CHN2: variants seen among roughly 807,000 people sequenced by gnomAD.
The protein encoded by CHN2 is beta-chimaerin.
A neutral mutation model predicts 56.3 loss-of-function variants in CHN2; 35 were observed. That is an observed-to-expected ratio of 0.62 (90% confidence interval 0.47 to 0.82). CHN2 has a LOEUF of 0.82. Ranked by LOEUF, CHN2 falls within the 40% of genes least tolerant of loss-of-function variation. CHN2 has a pLI of 0.00. For missense variants in CHN2, 491 were observed against 580.5 expected, an observed-to-expected ratio of 0.85 and a Z score of 1.58; for synonymous variants, 210 against 212.8, an observed-to-expected ratio of 0.99 and a Z score of 0.12.
intron 2 of CHN2, among the ~76,000 whole-genome samples, chr7:29,178,585 C>G (rs1199751627): frequency 1.3e-5 from 2 of 152,028 alleles, no homozygotes; most frequent in African/African-American, 4.8e-5. Flanking sequence ...ACACATTTTT[C>G]AGCATTTGAA....
At chr7:29,408,955 T>G (rs759064868) in intron 6 of CHN2, among the ~76,000 whole-genome samples, 2 of 152,162 alleles carry the variant, frequency 1.3e-5, no homozygotes, top group African/African-American at 2.4e-5. Flanking sequence ...TGCCATCTTG[T>G]GGCTGAAAGG....
At chr7:29,501,648 C>T (rs190030357) in intron 9 of CHN2, among the ~76,000 whole-genome samples, 2 of 152,216 alleles carry the variant, frequency 1.3e-5, no homozygotes, top group Admixed American at 6.5e-5. Flanking sequence ...AGAGTCACAG[C>T]ACAGGGATTA....
intron 1 of CHN2, among the ~76,000 whole-genome samples, chr7:29,343,304 G>A (rs1797180987): frequency 6.6e-6 from 1 of 152,228 alleles, no homozygotes; most frequent in Admixed American, 6.5e-5. Context: ...CCTCGGGAGA[G>A]AGGGAGATCA....
At chr7:29,448,221 G>C (rs887357742) in intron 6 of CHN2, among the ~76,000 whole-genome samples, 1 of 151,602 alleles carries the variant, frequency 6.6e-6, no homozygotes, top group African/African-American at 2.4e-5. Flanking sequence ...TTAAAGAATG[G>C]GATTTTGATA....
rs1053094269 is a variant in CHN2 at position 29,419,498 on chromosome 7, T to G, written c.576+18670T>G. Among the ~76,000 whole-genome samples the G allele has an allele frequency of 2.0e-5, 3 of 152,054 alleles. 1 individual carries two copies. The highest frequency in any genetic ancestry group is 6.3e-3 in the Middle Eastern group (2 of 316). On this transcript the variant is annotated intron_variant, in intron 6 of 12. Transcript: ENST00000222792. Reference sequence around the variant, plus strand: ...TAGACAAAAAGGATAATATCAAACTTAAAATTTTCTATGTGTCAAAGGATG... The same window carrying G: ...TAGACAAAAAGGATAATATCAAACTGAAAATTTTCTATGTGTCAAAGGATG...
At chr7:29,254,623 T>G (rs1268173280) in intron 1 of CHN2, among the ~76,000 whole-genome samples, 2 of 151,992 alleles carry the variant, frequency 1.3e-5, no homozygotes, top group African/African-American at 4.8e-5. Context: ...CAGTAGTAAC[T>G]CCCTTGTCAC....
At chr7:29,313,856 A>T (rs1373906008) in intron 1 of CHN2, among the ~76,000 whole-genome samples, 1 of 152,196 alleles carries the variant, frequency 6.6e-6, no homozygotes, top group Non-Finnish European at 1.5e-5. Flanking sequence ...TAGAAATTGT[A>T]CACGATGCAA....
At chr7:29,164,994 T>C (rs1795721297) in intron 2 of CHN2, among the ~76,000 whole-genome samples, 1 of 152,036 alleles carries the variant, frequency 6.6e-6, no homozygotes, top group African/African-American at 2.4e-5. Flanking sequence ...ATAGTGTGAG[T>C]TCTACAACTT....
At chr7:29,478,140 G>A (rs1249021384) in intron 6 of CHN2, among the ~76,000 whole-genome samples, 2 of 152,174 alleles carry the variant, frequency 1.3e-5, no homozygotes, top group Non-Finnish European at 2.9e-5. Flanking sequence ...AGTCCTTTTG[G>A]AAAGGGTAGC....
chr7:29,384,478 A>C (rs1478044618), intron 3 of CHN2, among the ~76,000 whole-genome samples: 1 of 152,096 alleles, frequency 6.6e-6, no homozygotes, highest in Non-Finnish European at 1.5e-5. Flanking sequence ...CCCACACTGA[A>C]GGCACTTGTT....
At chr7:29,445,570 T>A (rs966786027) in intron 6 of CHN2, among the ~76,000 whole-genome samples, 1 of 152,238 alleles carries the variant, frequency 6.6e-6, no homozygotes, top group Non-Finnish European at 1.5e-5. Flanking sequence ...GAGCCGTCAG[T>A]AAAACTGGTC....
In CHN2 at chr7:29,483,740, AG is replaced by A. The variant is rs1187786958; in HGVS notation, c.654+3385del. On this transcript the variant is annotated intron_variant, in intron 7 of 12. Coordinates refer to ENST00000222792, the MANE Select transcript of CHN2 (RefSeq NM_004067.4). ...CCACCCTAATAATACCTTATGGCTGAGCTCTGAAAATCTTCAGGCCAGCCAA... is the reference window on the plus strand; with the variant it reads ...CCACCCTAATAATACCTTATGGCTGACTCTGAAAATCTTCAGGCCAGCCAA... The A allele has an allele frequency of 2.0e-5, 17 of 855,980 alleles. No homozygotes were observed. The East Asian group carries it at 6.3e-4, about 32-fold the overall frequency. 53.0% of individuals were successfully genotyped at this position (855,980 alleles called of 1,614,324 possible). A position where few individuals can be genotyped will look rare whatever the true frequency, so the allele number is the denominator to read the frequency against.
intron 1 of CHN2, among the ~76,000 whole-genome samples, chr7:29,267,146 C>A (rs2128840832): frequency 6.6e-6 from 1 of 152,250 alleles, no homozygotes; most frequent in African/African-American, 2.4e-5. Context: ...CTCCTGCATT[C>A]TCCCCAGCAG....
chr7:29,460,218 G>A lies in CHN2; in HGVS notation c.577-20061G>A, dbSNP rs1785057746. ...AAATTAGGGAACCACTGCATTATTG[G>A]CCAGATAATTCCTAGGTCCCATGCC... is the stretch of plus-strand genomic sequence containing the variant. On this transcript the variant is annotated intron_variant, in intron 6 of 12. Coordinates refer to ENST00000222792, the MANE Select transcript of CHN2 (RefSeq NM_004067.4). Among the ~76,000 whole-genome samples the A allele has an allele frequency of 2.0e-5, 3 of 152,156 alleles. No homozygotes were observed. The South Asian group carries it at 6.2e-4, about 32-fold the overall frequency.
At chr7:29,428,700 T>C (rs2128111742) in intron 6 of CHN2, among the ~76,000 whole-genome samples, 1 of 152,384 alleles carries the variant, frequency 6.6e-6, no homozygotes, top group East Asian at 1.9e-4. Flanking sequence ...TTTTTTTGTT[T>C]GAGCCAATAT....
intron 6 of CHN2, among the ~76,000 whole-genome samples, chr7:29,422,553 T>G (rs976104397): frequency 1.3e-5 from 2 of 152,248 alleles, no homozygotes; most frequent in African/African-American, 4.8e-5. Flanking sequence ...AAATTAAATA[T>G]ATGTATATAC....
intron 1 of CHN2, among the ~76,000 whole-genome samples, chr7:29,348,627 CT>C (rs1166355558): frequency 6.6e-6 from 1 of 152,182 alleles, no homozygotes; most frequent in Non-Finnish European, 1.5e-5. Flanking sequence ...AAATAACTGT[CT>C]TTTGTCTCAC....
chr7:29,241,170 G>C (rs1787650494), intron 1 of CHN2, among the ~76,000 whole-genome samples: 1 of 152,170 alleles, frequency 6.6e-6, no homozygotes, highest in African/African-American at 2.4e-5. Context: ...ACAGGTGTGA[G>C]ACACAGTGCC....
intron 3 of CHN2, among the ~76,000 whole-genome samples, chr7:29,372,377 C>T (rs1482574770): frequency 2.6e-5 from 4 of 152,076 alleles, no homozygotes; most frequent in Non-Finnish European, 2.9e-5. Flanking sequence ...TAGCACCTCC[C>T]CAACCCTTGG....
Sources: allele counts gnomAD v4.1 joint callset (sites outside exome capture counted in the v4.1 genomes callset), GRCh38; gene constraint gnomAD v4.1.1; transcripts MANE v1.5; gene names NCBI Gene and HGNC (gene_info 2026-07-23, HGNC 2026-07-21).